Variants in NOA1 observed in about 807,000 individuals in gnomAD.
NOA1 encodes nitric oxide-associated protein 1.
A neutral mutation model predicts 58.4 loss-of-function variants in NOA1; 35 were observed. The ratio of observed to expected loss-of-function variants is 0.60; its 90% confidence interval spans 0.46 to 0.79. NOA1 has a LOEUF of 0.79. Ranked by LOEUF, NOA1 falls within the 30% of genes least tolerant of loss-of-function variation. The pLI is 0.00. For synonymous variants in NOA1, 397 were observed against 373.4 expected (o/e 1.06, Z -0.73); for missense variants, 895 against 894.6 (o/e 1.00, Z -0.01).
intron 3 of NOA1, among the ~76,000 whole-genome samples, chr4:56,969,301 G>A (rs927909330): frequency 1.3e-5 from 2 of 152,174 alleles, no homozygotes; most frequent in Non-Finnish European, 2.9e-5. Flanking sequence ...GGCTGGGCGC[G>A]GTGGCTCACG....
intron 6 of NOA1, among the ~76,000 whole-genome samples, 193 bp downstream of exon 6, chr4:56,964,213 A>G (rs1323438751): frequency 6.6e-6 from 1 of 151,992 alleles, no homozygotes; most frequent in Non-Finnish European, 1.5e-5. Flanking sequence ...AATTACAGGC[A>G]TGCGCCACCA....
Position 56,977,536 on chromosome 4 carries a change from C to T in NOA1, c.50G>A (p.Gly17Glu). 1 of 1,612,026 alleles carries T rather than the reference C, an allele frequency of 6.2e-7. No individual in the cohort carries two copies. The highest frequency in any genetic ancestry group is 1.1e-5 in the South Asian group (1 of 90,974). Residue 17 changes from glycine to glutamate, a missense_variant, in exon 1 of 7, where the codon GGA (glycine) becomes GAA (glutamate). Around this residue, in one of 3 missense-constraint regions of NOA1, gnomAD observed 680 missense variants for 656.5 expected, o/e 1.04. Transcript: ENST00000264230. The stretch of plus-strand genomic sequence containing the variant: ...ATGGCGCGCTGCCGTGGGAGCGGAT[C>T]CACGAAGGAAAAGGCTCAGCAGCCT... ...PFRLLSLFLR[G>E]SAPTAARHGL...
At chr4:56,970,239 T>G (rs1243126556) in intron 3 of NOA1, among the ~76,000 whole-genome samples, 1 of 151,806 alleles carries the variant, frequency 6.6e-6, no homozygotes, top group Non-Finnish European at 1.5e-5. Flanking sequence ...GAAGTTACAG[T>G]GGGCCAAGAT....
Position 56,973,880 on chromosome 4 carries a change from G to T in NOA1, c.1287C>A (p.Leu429=), listed in dbSNP as rs770072046. 4.3e-6 allele frequency: 7 copies of T among 1,614,068 alleles called. No homozygotes were observed. In the South Asian group the frequency reaches 7.7e-5, roughly 18 times the overall value. ...TACCTACGACATAACCATGCTTTTT[G>T]AGGACATTAAGCTGATTTTGTTCTT... is the stretch of plus-strand genomic sequence containing the variant. ...SEQEQNQLNV[L]KKHGYVVGRV... Residue 429 remains leucine, a synonymous_variant, in exon 2 of 7, where the codon CTC becomes CTA. Coordinates refer to ENST00000264230, the MANE Select transcript of NOA1 (RefSeq NM_032313.4).
Position 56,966,719 on chromosome 4 carries a change from C to A in NOA1, c.1665G>T (p.Trp555Cys). 1 of 1,611,828 alleles carries A rather than the reference C, an allele frequency of 6.2e-7. No homozygotes were observed. The highest frequency in any genetic ancestry group is 8.5e-7 in the Non-Finnish European group (1 of 1,178,148). The change falls in exon 5 of 7, where the codon TGG becomes TGT. Residue 555 changes from tryptophan to cysteine, a missense_variant. Trp to Cys is a radical substitution (Grantham distance 215, BLOSUM62 -2). Transcript: ENST00000264230. ...GGATGTTGGAAGCCACGACTGTAAA[C>A]CAAGCTGACTGATTTCCCTTAAGAA... is the stretch of plus-strand genomic sequence containing the variant. ...IDFLQGNQSA[W>C]FTVVASNILP...
At chr4:56,973,759 C>T (rs754555155) in intron 2 of NOA1, 99 bp downstream of exon 2, 2 of 1,193,204 alleles carry the variant, frequency 1.7e-6, no homozygotes, top group Admixed American at 2.1e-5. Context: ...CAGTCTCTCC[C>T]CACAAAAACT....
chr4:56,976,165 T>C (rs558039772), intron 1 of NOA1, among the ~76,000 whole-genome samples: 5 of 152,330 alleles, frequency 3.3e-5, no homozygotes, highest in African/African-American at 1.2e-4. Context: ...ACAGGAACTT[T>C]GCTTTGTTCC....
chr4:56,965,435 T>C (rs1328868226), intron 5 of NOA1, among the ~76,000 whole-genome samples: 2 of 152,154 alleles, frequency 1.3e-5, no homozygotes, highest in Non-Finnish European at 1.5e-5. Flanking sequence ...TGTAAGCTAA[T>C]ACAAGGTCAG....
In NOA1 at chr4:56,977,568, T is replaced by A. The variant is rs1721979348; in HGVS notation, c.18A>T (p.Leu6=). The change falls in exon 1 of 7, where the codon CTA becomes CTT. Residue 6 remains leucine (L), a synonymous_variant. Transcript: ENST00000264230. ...GGAAAAGGCTCAGCAGCCTGAACGG[T>A]AGGCGAGCGGGCAGCATGAGGAAGT... The part of the protein sequence containing the change: MLPAR[L]PFRLLSLFLR... 1 of 1,595,474 alleles carries A rather than the reference T, an allele frequency of 6.3e-7. No individual in the cohort carries two copies. The highest frequency in any genetic ancestry group is 2.3e-5 in the East Asian group (1 of 44,018).
chr4:56,972,583 G>A (rs545728227), intron 3 of NOA1, among the ~76,000 whole-genome samples: 2 of 152,232 alleles, frequency 1.3e-5, no homozygotes, highest in South Asian at 4.1e-4. Context: ...AGTTACCTTG[G>A]AAGGTGACAT....
intron 5 of NOA1, among the ~76,000 whole-genome samples, chr4:56,965,961 C>G (rs114823153): frequency 1.4e-5 from 2 of 148,116 alleles, no homozygotes; most frequent in Non-Finnish European, 1.5e-5. Flanking sequence ...CTTAACCTCT[C>G]GAGGAGCTGG....
intron 6 of NOA1, 76 bp downstream of exon 6, chr4:56,964,330 G>A (rs1721659979): frequency 1.3e-6 from 2 of 1,578,874 alleles, no homozygotes; most frequent in Non-Finnish European, 1.7e-6. Flanking sequence ...GCCTCACAAA[G>A]TGCTGGGATT....
chr4:56,964,554 G>T, intron 5 of NOA1, 28 bp from the exon 6 acceptor site: 1 of 1,606,570 alleles, frequency 6.2e-7, no homozygotes, highest in African/African-American at 1.3e-5. Flanking sequence ...ATATTTACAA[G>T]TTCAAATTAA....
intron 4 of NOA1, among the ~76,000 whole-genome samples, chr4:56,967,264 C>T (rs904490396): frequency 6.6e-6 from 1 of 151,520 alleles, no homozygotes; most frequent in Non-Finnish European, 1.5e-5. Flanking sequence ...CCTGTAGTCC[C>T]GACTACTTGC....
At chr4:56,976,223 T>C (rs543094128) in intron 1 of NOA1, among the ~76,000 whole-genome samples, 1 of 152,360 alleles carries the variant, frequency 6.6e-6, no homozygotes, top group Admixed American at 6.5e-5. Flanking sequence ...ACGTGCTCCA[T>C]AAACACTTCC....
intron 1 of NOA1, among the ~76,000 whole-genome samples, 166 bp from the exon 2 acceptor site, chr4:56,974,188 A>G (rs1206204497): frequency 6.6e-6 from 1 of 152,240 alleles, no homozygotes; most frequent in East Asian, 1.9e-4. Flanking sequence ...GGGAAACCAG[A>G]ATTGGAATCC....
intron 6 of NOA1, among the ~76,000 whole-genome samples, chr4:56,963,865 G>A (rs1228878443): frequency 1.3e-5 from 2 of 151,280 alleles, no homozygotes; most frequent in Admixed American, 6.6e-5. Flanking sequence ...GTACTGCCTC[G>A]GCGTCCCGAG....
intron 6 of NOA1, 37 bp from the exon 7 acceptor site, chr4:56,963,698 G>A (rs1279793766): frequency 6.6e-7 from 1 of 1,515,916 alleles, no homozygotes; most frequent in Admixed American, 1.7e-5. Context: ...AAGGCTGTTA[G>A]CAATCATCTT....
At chr4:56,971,893 T>C (rs1721817715) in intron 3 of NOA1, among the ~76,000 whole-genome samples, 1 of 149,720 alleles carries the variant, frequency 6.7e-6, no homozygotes, top group Non-Finnish European at 1.5e-5. Context: ...TGCTATTCTT[T>C]TTTTTTTTTT....
Sources: gnomAD v4.1 joint callset for allele counts (sites outside exome capture counted in the v4.1 genomes callset) on GRCh38, gnomAD v4.1.1 for gene constraint, gnomAD v4.1.1 regional missense constraint, MANE v1.5 for transcripts, NCBI Gene and HGNC (gene_info 2026-07-23, HGNC 2026-07-21) for gene names.